The following ANK1 variants were observed in gnomAD, a reference collection of about 807,000 sequenced individuals.
ANK1 encodes ankyrin 1, also known as ankyrin-1.
ANK1 carries 51 observed loss-of-function variants against 210.4 expected under a neutral mutation model. The observed-to-expected ratio is 0.24, with a 90% confidence interval of 0.19 to 0.31. The LOEUF is 0.31. ANK1 is among the 10% of genes least tolerant of loss of function. ANK1 has a pLI of 1.00. For missense variants in ANK1, 2,051 were observed against 2,504.4 expected (o/e 0.82, Z 3.86); for synonymous variants, 967 against 1,025.9 (o/e 0.94, Z 1.10).
Position 41,668,332 on chromosome 8 carries a change from G to T in ANK1, c.5329C>A (p.Arg1777=), listed in dbSNP as rs781061339. Reference sequence around the variant, plus strand: ...TGCTCTTCTTGGCCTTGCTGCCTCCGGTCCCTGTCGGCCTGGGAGCTCTCA... The same window carrying T: ...TGCTCTTCTTGGCCTTGCTGCCTCCTGTCCCTGTCGGCCTGGGAGCTCTCA... ...EAESSQADRD[R]RQQGQEEQVQ... The change falls in exon 39 of 43, where the codon CGG becomes AGG. Residue 1777 remains arginine, a synonymous_variant. Transcript: ENST00000289734. 1.2e-6 allele frequency: 2 copies of T among 1,614,194 alleles called. No individual in the cohort carries two copies. Among genetic ancestry groups the T allele is most frequent in the South Asian group, 2.2e-5 (2 of 91,080 alleles).
At chr8:41,761,370 T>C (rs1019319455) in intron 1 of ANK1, among the ~76,000 whole-genome samples, 125 of 42,502 alleles carry the variant, frequency 2.9e-3, no homozygotes, top group Non-Finnish European at 9.1e-3. Context: ...GAGACCTGTG[T>C]GCACACACAC....
At chr8:41,674,303 G>GCA (rs755533759) in intron 37 of ANK1, among the ~76,000 whole-genome samples, 1 of 151,916 alleles carries the variant, frequency 6.6e-6, no homozygotes, top group Non-Finnish European at 1.5e-5. Flanking sequence ...AAACACACAT[G>GCA]CACACACACA....
At chr8:41,665,633 G>C (rs1436641064) in intron 39 of ANK1, 1 of 265,670 alleles carries the variant, frequency 3.8e-6, no homozygotes, top group African/African-American at 2.2e-5. Flanking sequence ...GTAGGGATGA[G>C]ACCAGCTAAT....
chr8:41,705,099 A>T (rs1824199775), intron 18 of ANK1, among the ~76,000 whole-genome samples: 1 of 152,180 alleles, frequency 6.6e-6, no homozygotes, highest in African/African-American at 2.4e-5. Flanking sequence ...ACATTCGCTC[A>T]TGTGAGTCTG....
At chr8:41,661,345 G>A in intron 42 of ANK1, 85 bp downstream of exon 42, 1 of 1,556,924 alleles carries the variant, frequency 6.4e-7, no homozygotes, top group Non-Finnish European at 8.7e-7. Context: ...ATGCTGGGGT[G>A]GCTGGGAGGG....
intron 37 of ANK1, among the ~76,000 whole-genome samples, chr8:41,681,872 G>A (rs1816167590): frequency 6.6e-6 from 1 of 152,156 alleles, no homozygotes; most frequent in South Asian, 2.1e-4. Context: ...GACAAAGCAG[G>A]GCATCGGTGC....
chr8:41,865,886 T>C (rs1814341714), intron 1 of ANK1, among the ~76,000 whole-genome samples: 1 of 152,136 alleles, frequency 6.6e-6, no homozygotes, highest in South Asian at 2.1e-4. Flanking sequence ...TCAAAGCCAC[T>C]ATCCACAGTA....
At chr8:41,719,595 C>T (rs1563552422) in intron 10 of ANK1, 66 bp downstream of exon 10, 2 of 1,603,424 alleles carry the variant, frequency 1.2e-6, no homozygotes, top group African/African-American at 1.3e-5. Flanking sequence ...CCCAGCCATG[C>T]CTCTCTGCTC....
At chr8:41,674,254 G>A (rs1170460195) in intron 37 of ANK1, among the ~76,000 whole-genome samples, 2 of 152,156 alleles carry the variant, frequency 1.3e-5, no homozygotes, top group Admixed American at 6.5e-5. Context: ...CCGATTACAT[G>A]CCAGGCACTG....
chr8:41,701,720 CA>C, intron 21 of ANK1, 98 bp from the exon 22 acceptor site: 1 of 1,276,378 alleles, frequency 7.8e-7, no homozygotes, highest in Non-Finnish European at 1.1e-6. Flanking sequence ...GGGTTTCCCA[CA>C]AATGAAGAAA....
chr8:41,679,347 G>A (rs189530315), intron 37 of ANK1, among the ~76,000 whole-genome samples: 2 of 152,086 alleles, frequency 1.3e-5, no homozygotes, highest in Non-Finnish European at 2.9e-5. Flanking sequence ...TTATCAGGGA[G>A]GACTGGAGCT....
At chr8:41,770,720 G>A (rs527683873) in intron 1 of ANK1, among the ~76,000 whole-genome samples, 16 of 152,320 alleles carry the variant, frequency 1.1e-4, no homozygotes, top group South Asian at 8.3e-4. Flanking sequence ...TTAGGCAGGC[G>A]ATGAGTCAGG....
chr8:41,731,167 T>C (rs969352637), intron 3 of ANK1, among the ~76,000 whole-genome samples: 2 of 152,232 alleles, frequency 1.3e-5, no homozygotes, highest in Non-Finnish European at 2.9e-5. Flanking sequence ...CTGGCCTAAG[T>C]TGTGGGAGTC....
chr8:41,696,300 G>A, intron 26 of ANK1, 63 bp downstream of exon 26: 2 of 1,567,308 alleles, frequency 1.3e-6, no homozygotes, highest in African/African-American at 2.7e-5. Flanking sequence ...AGGACAGATG[G>A]AAATGGCGTG....
intron 1 of ANK1, among the ~76,000 whole-genome samples, chr8:41,873,220 G>A (rs1470696656): frequency 2.0e-5 from 3 of 152,160 alleles, no homozygotes; most frequent in African/African-American, 4.8e-5. Context: ...CGATTGCCTC[G>A]AACCTTCATG....
chr8:41,751,505 G>A (rs1837691746), intron 2 of ANK1, among the ~76,000 whole-genome samples: 1 of 152,202 alleles, frequency 6.6e-6, no homozygotes, highest in Non-Finnish European at 1.5e-5. Context: ...CACAGTGGCT[G>A]TTGAGCTGAG....
At chr8:41,684,485 G>A (rs1817093341) in intron 37 of ANK1, 59 bp downstream of exon 37, 1 of 1,604,794 alleles carries the variant, frequency 6.2e-7, no homozygotes, top group South Asian at 1.1e-5. Flanking sequence ...GGTTATTGGT[G>A]CTGATGCCTG....
At chr8:41,799,750 A>G (rs1371672084), upstream of ANK1, among the ~76,000 whole-genome samples, 1 of 152,160 alleles carries the variant, frequency 6.6e-6, no homozygotes, top group African/African-American at 2.4e-5. Flanking sequence ...CCCAGGCAAC[A>G]CAAGGCTCCT....
upstream of ANK1, among the ~76,000 whole-genome samples, chr8:41,800,101 AG>A (rs1292592853): frequency 6.6e-6 from 1 of 152,128 alleles, no homozygotes; most frequent in African/African-American, 2.4e-5. Flanking sequence ...CTGGAAATGC[AG>A]GGCCAGGCTT....
Sources: gnomAD v4.1 joint callset for allele counts (sites outside exome capture counted in the v4.1 genomes callset) on GRCh38, gnomAD v4.1.1 for gene constraint, MANE v1.5 for transcripts, NCBI Gene and HGNC (gene_info 2026-07-23, HGNC 2026-07-21) for gene names.